The following CCDC50 variants were observed in gnomAD, a reference collection of about 807,000 sequenced individuals.
CCDC50 encodes coiled-coil domain-containing protein 50.
Under a neutral mutation model 70.2 loss-of-function variants are expected in CCDC50, and 54 were observed. The ratio of observed to expected loss-of-function variants is 0.77; its 90% CI spans 0.62 to 0.96. CCDC50 has a LOEUF of 0.96. CCDC50 is among the 50% of genes least tolerant of loss of function. CCDC50 has a pLI of 0.00. For missense variants in CCDC50, 558 were observed against 578.7 expected (o/e 0.96, Z 0.37); for synonymous variants, 216 against 198.8 (o/e 1.09, Z -0.73).
At position 191,391,607 on chromosome 3, in the gene CCDC50, A is replaced by G. The variant is rs1357526158; in HGVS notation, c.1430-134A>G. On this transcript the variant is annotated intron_variant, in intron 11 of 11. Transcript: ENST00000392455. Reference sequence around the variant, plus strand: ...AAACTAACACATTGATTCTGTATATATGTCACAATCAAGAATAAAGTACTA... The same window carrying G: ...AAACTAACACATTGATTCTGTATATGTGTCACAATCAAGAATAAAGTACTA... The G allele has an allele frequency of 7.5e-5, 60 of 798,742 alleles. No homozygotes were observed. The East Asian group carries it at 1.6e-3, about 21-fold the overall frequency. 49.5% of individuals were successfully genotyped at this position (798,742 alleles called of 1,614,324 possible). A position where few individuals can be genotyped will look rare whatever the true frequency, so the allele number is the denominator to read the frequency against.
At position 191,380,291 on chromosome 3, in the gene CCDC50, G is replaced by A; in HGVS notation, c.1092+17G>A. 1.3e-6 allele frequency: 2 copies of A among 1,531,134 alleles called. No individual in the cohort carries two copies. Among genetic ancestry groups the A allele is most frequent in the Non-Finnish European group, 1.8e-6 (2 of 1,105,584 alleles). 94.8% of individuals were successfully genotyped at this position (1,531,134 alleles called of 1,614,324 possible). ...GAACTTTTGGTGAGCAAATTTTAAG[G>A]CAAAAGTTTAGATATATTGATGGGT... On this transcript the variant is annotated intron_variant, in intron 7 of 11. Coordinates refer to ENST00000392455, the MANE Select transcript of CCDC50 (RefSeq NM_178335.3).
At position 191,398,519 on chromosome 3, in the gene CCDC50, A is replaced by T. The variant is rs962919957; in HGVS notation, c.*6759A>T. On this transcript the variant is annotated 3_prime_UTR_variant, in exon 12 of 12. Coordinates refer to ENST00000392455, the MANE Select transcript of CCDC50 (RefSeq NM_178335.3). ...CGAGAGTCTTATTATAATTATTATT[A>T]TTTACAAAATGACCCTAATAGGTCT... 7 of 152,188 alleles carry T rather than the reference A, an allele frequency of 4.6e-5. No individual in the cohort carries two copies. The highest frequency in any genetic ancestry group is 1.7e-4 in the African/African-American group (7 of 41,444). 9.4% of individuals were successfully genotyped at this position (152,188 alleles called of 1,614,324 possible). A position where few individuals can be genotyped will look rare whatever the true frequency, so the allele number is the denominator to read the frequency against.
rs751082608 is a variant in CCDC50, at chr3:191,329,628, T to C, written c.-47T>C. ...TCGGGGCCCCGCTCGGCGCCGGCGG[T>C]GACCGGGAAGCCCGCGTTAAAGGGG... is the stretch of plus-strand genomic sequence containing the variant. On this transcript the variant is annotated 5_prime_UTR_variant, in exon 1 of 12. Coordinates refer to ENST00000392455, the MANE Select transcript of CCDC50 (RefSeq NM_178335.3). 2 of 1,582,402 alleles carry C rather than the reference T, an allele frequency of 1.3e-6. No individual in the cohort carries two copies. The highest frequency in any genetic ancestry group is 8.6e-7 in the Non-Finnish European group (1 of 1,165,524).
intron 9 of CCDC50, 126 bp downstream of exon 9, chr3:191,381,058 T>C (rs1713301914): frequency 5.3e-6 from 4 of 752,644 alleles, no homozygotes; most frequent in Non-Finnish European, 8.8e-6. Flanking sequence ...CTGTATTGCA[T>C]ATGTGAATCT....
intron 1 of CCDC50, among the ~76,000 whole-genome samples, chr3:191,334,454 T>G (rs1166003903): frequency 6.6e-6 from 1 of 152,140 alleles, no homozygotes; most frequent in Non-Finnish European, 1.5e-5. Context: ...AATTGGTACT[T>G]TAAAAAGAGA....
chr3:191,371,158 TG>T (rs1712901147), intron 5 of CCDC50, among the ~76,000 whole-genome samples: 1 of 152,198 alleles, frequency 6.6e-6, no homozygotes, highest in South Asian at 2.1e-4. Flanking sequence ...TTTTTTCTTT[TG>T]ATCCTTTCTT....
intron 3 of CCDC50, among the ~76,000 whole-genome samples, chr3:191,358,843 A>G (rs1288519974): frequency 6.6e-6 from 1 of 152,210 alleles, no homozygotes; most frequent in Non-Finnish European, 1.5e-5. Flanking sequence ...GGAAGGGGTA[A>G]AGGAAAAATG....
chr3:191,368,030 TAAG>T (rs1712758549), intron 4 of CCDC50, among the ~76,000 whole-genome samples: 1 of 152,026 alleles, frequency 6.6e-6, no homozygotes, highest in Admixed American at 6.6e-5. Context: ...AATGATACAT[TAAG>T]GAGTCAAAGA....
chr3:191,388,621 T>TG (rs1713579579), intron 10 of CCDC50, among the ~76,000 whole-genome samples: 2 of 152,160 alleles, frequency 1.3e-5, no homozygotes, highest in Admixed American at 6.5e-5. Context: ...TGGAAACACT[T>TG]GCTTTTATTT....
At chr3:191,343,758 C>G (rs1246701351) in intron 1 of CCDC50, among the ~76,000 whole-genome samples, 2 of 152,168 alleles carry the variant, frequency 1.3e-5, no homozygotes, top group Non-Finnish European at 2.9e-5. Context: ...ATTTGTTAAT[C>G]AGAATCCAGG....
At chr3:191,335,978 C>G (rs1234267983) in intron 1 of CCDC50, among the ~76,000 whole-genome samples, 1 of 150,774 alleles carries the variant, frequency 6.6e-6, no homozygotes, top group East Asian at 2.0e-4. Context: ...TGTAGTTTTG[C>G]CTTGTCAAAA....
intron 5 of CCDC50, 128 bp downstream of exon 5, chr3:191,370,164 T>G: frequency 1.4e-6 from 1 of 724,206 alleles, no homozygotes; most frequent in Non-Finnish European, 2.5e-6. Flanking sequence ...CTGGGTACAT[T>G]TAGATGTGTG....
intron 1 of CCDC50, among the ~76,000 whole-genome samples, chr3:191,343,652 T>A (rs1711810416): frequency 6.6e-6 from 1 of 152,186 alleles, no homozygotes; most frequent in Non-Finnish European, 1.5e-5. Flanking sequence ...CAGTTGTTTT[T>A]TAAAGAAGGT....
Position 191,357,867 on chromosome 3 carries a change from G to A in CCDC50, c.113-131G>A, listed in dbSNP as rs13434281. ...AATTCCTTGCTCTTTATTATATATTGTTGTTGAGACAATAAAATGAAGTGA... is the reference window on the plus strand; with the variant it reads ...AATTCCTTGCTCTTTATTATATATTATTGTTGAGACAATAAAATGAAGTGA... On this transcript the variant is annotated intron_variant, in intron 2 of 11. Coordinates refer to ENST00000392455, the MANE Select transcript of CCDC50 (RefSeq NM_178335.3). The A allele has an allele frequency of 0.21, 229,808 of 1,097,008 alleles. 26,401 individuals carry two copies. Among genetic ancestry groups the A allele is most frequent in the Non-Finnish European group, 0.23 (165,745 of 716,312 alleles). 68.0% of individuals were successfully genotyped at this position (1,097,008 alleles called of 1,614,324 possible). A position where few individuals can be genotyped will look rare whatever the true frequency, so the allele number is the denominator to read the frequency against.
intron 1 of CCDC50, among the ~76,000 whole-genome samples, chr3:191,329,948 G>C (rs999248036): frequency 5.9e-4 from 85 of 143,592 alleles, no homozygotes; most frequent in South Asian, 2.0e-3. Flanking sequence ...TGGTTGGGGG[G>C]GGGGGGGGCT....
chr3:191,362,063 T>C (rs1576960852), intron 4 of CCDC50, among the ~76,000 whole-genome samples: 2 of 152,252 alleles, frequency 1.3e-5, no homozygotes, highest in East Asian at 3.8e-4. Context: ...TAATAGTGTT[T>C]GGTTTGTGAG....
At chr3:191,365,012 G>A (rs1172512906) in intron 4 of CCDC50, among the ~76,000 whole-genome samples, 1 of 152,042 alleles carries the variant, frequency 6.6e-6, no homozygotes, top group Admixed American at 6.6e-5. Context: ...AATGGGTTAA[G>A]GTTAATCAGT....
chr3:191,337,444 G>A (rs1213726591), intron 1 of CCDC50, among the ~76,000 whole-genome samples: 2 of 151,218 alleles, frequency 1.3e-5, no homozygotes, highest in Admixed American at 6.6e-5. Context: ...GCCCAGGCTC[G>A]AGCGATTCTC....
chr3:191,375,385 A>T lies in CCDC50; in HGVS notation c.772A>T (p.Ile258Phe). Reference protein sequence around the residue: ...STECDDWETKINHQTRNWEKQ... With the variant: ...STECDDWETKFNHQTRNWEKQ... Reference sequence around the variant, plus strand: ...TGAATGTGATGACTGGGAGACTAAGATTAACCATCAGACTCGAAATTGGGA... The same window carrying T: ...TGAATGTGATGACTGGGAGACTAAGTTTAACCATCAGACTCGAAATTGGGA... Residue 258 changes from isoleucine (I) to phenylalanine (F), a missense_variant, in exon 6 of 12, where the codon ATT becomes TTT. By Grantham distance (21) the Ile-to-Phe change is conservative (BLOSUM62 0). Coordinates refer to ENST00000392455, the MANE Select transcript of CCDC50 (RefSeq NM_178335.3). The T allele has an allele frequency of 6.2e-7, 1 of 1,613,774 alleles. No individual in the cohort carries two copies. Among genetic ancestry groups the T allele is most frequent in the South Asian group, 1.1e-5 (1 of 91,046 alleles).
Sources: gnomAD v4.1 joint callset for allele counts (sites outside exome capture counted in the v4.1 genomes callset) on GRCh38, gnomAD v4.1.1 for gene constraint, MANE v1.5 for transcripts, NCBI Gene and HGNC (gene_info 2026-07-23, HGNC 2026-07-21) for gene names.